MYOZ2: variants seen among roughly 807,000 people sequenced by gnomAD.
The protein encoded by MYOZ2 is myozenin-2.
MYOZ2 carries 19 observed loss-of-function variants against 25.4 expected under a neutral mutation model. The observed-to-expected ratio is 0.75, with a 90% CI of 0.52 to 1.10. The LOEUF (loss-of-function observed/expected upper bound fraction) is 1.10, where lower values mean the gene tolerates loss of function less well. Ranked by LOEUF, MYOZ2 falls within the 50% of genes least tolerant of loss-of-function variation. MYOZ2 has a pLI of 0.00. For missense variants in MYOZ2, 270 were observed against 317.9 expected (o/e 0.85, Z 1.15); for synonymous variants, 92 against 106.9 (o/e 0.86, Z 0.86).
At chr4:119,176,100 G>A (rs1254629981) in intron 5 of MYOZ2, among the ~76,000 whole-genome samples, 4 of 152,116 alleles carry the variant, frequency 2.6e-5, no homozygotes, top group Non-Finnish European at 5.9e-5. Context: ...CACCGTCTTT[G>A]AGTTCATTGA....
chr4:119,142,004 C>A (rs1197144947), intron 2 of MYOZ2, among the ~76,000 whole-genome samples: 1 of 149,776 alleles, frequency 6.7e-6, no homozygotes, highest in African/African-American at 2.6e-5. Context: ...GGGAAGAAAA[C>A]CTTGGAAAAT....
intron 2 of MYOZ2, among the ~76,000 whole-genome samples, chr4:119,139,334 C>A (rs973195249): frequency 1.3e-5 from 2 of 152,152 alleles, no homozygotes; most frequent in African/African-American, 4.8e-5. Flanking sequence ...AAAAGTATCT[C>A]AGCCACAGTT....
At chr4:119,154,392 T>C (rs1005761340) in intron 3 of MYOZ2, among the ~76,000 whole-genome samples, 2 of 152,192 alleles carry the variant, frequency 1.3e-5, no homozygotes, top group Non-Finnish European at 2.9e-5. Context: ...GATGGAATGC[T>C]ATGATGTAAA....
chr4:119,165,194 A>G (rs1008502519), intron 5 of MYOZ2, among the ~76,000 whole-genome samples: 1 of 151,618 alleles, frequency 6.6e-6, no homozygotes, highest in African/African-American at 2.4e-5. Context: ...AAGAATGCCA[A>G]ATAGACTGCA....
intron 5 of MYOZ2, among the ~76,000 whole-genome samples, chr4:119,172,610 G>C (rs1561127694): frequency 6.6e-6 from 1 of 152,282 alleles, no homozygotes; most frequent in East Asian, 1.9e-4. Context: ...GGAAAAATTT[G>C]GGGAGGTTCA....
intron 5 of MYOZ2, among the ~76,000 whole-genome samples, chr4:119,182,137 GA>G (rs555773160): frequency 1.3e-3 from 197 of 152,276 alleles, no homozygotes; most frequent in African/African-American, 4.5e-3. Context: ...AAAAGCAACA[GA>G]AAACATTTCT....
chr4:119,171,698 A>G (rs543047884), intron 5 of MYOZ2, among the ~76,000 whole-genome samples: 1 of 149,846 alleles, frequency 6.7e-6, no homozygotes, highest in East Asian at 1.9e-4. Flanking sequence ...ACTATTATAC[A>G]TATATATTTT....
chr4:119,160,739 C>T (rs1478411771), intron 4 of MYOZ2, among the ~76,000 whole-genome samples: 2 of 151,968 alleles, frequency 1.3e-5, no homozygotes, highest in African/African-American at 2.4e-5. Context: ...GTACCTCCAA[C>T]GCAACTGTTA....
intron 2 of MYOZ2, among the ~76,000 whole-genome samples, chr4:119,141,739 G>A (rs1741162617): frequency 6.6e-6 from 1 of 151,682 alleles, no homozygotes; most frequent in Admixed American, 6.6e-5. Flanking sequence ...ATGAAGGCAA[G>A]GATATGTATT....
chr4:119,167,164 G>T (rs1306736235), intron 5 of MYOZ2, among the ~76,000 whole-genome samples: 1 of 152,190 alleles, frequency 6.6e-6, no homozygotes, highest in Non-Finnish European at 1.5e-5. Flanking sequence ...AGGTGTGAAT[G>T]CAAAGGAAAA....
intron 5 of MYOZ2, among the ~76,000 whole-genome samples, chr4:119,167,684 A>G (rs1347265908): frequency 6.6e-6 from 1 of 152,240 alleles, no homozygotes; most frequent in Non-Finnish European, 1.5e-5. Flanking sequence ...CTCACTAGAA[A>G]CTAATGTAGC....
At chr4:119,164,773 G>T (rs946849866) in intron 5 of MYOZ2, among the ~76,000 whole-genome samples, 1 of 151,974 alleles carries the variant, frequency 6.6e-6, no homozygotes, top group Non-Finnish European at 1.5e-5. Flanking sequence ...CACATGCAAG[G>T]CTATGAGAAT....
chr4:119,169,767 CTAAAGGGCTA>C (rs1741910708), intron 5 of MYOZ2, among the ~76,000 whole-genome samples: 1 of 152,152 alleles, frequency 6.6e-6, no homozygotes, highest in Non-Finnish European at 1.5e-5. Context: ...GCTGGAAGCC[CTAAAGGGCTA>C]TACCATTGGA....
rs1472682206 is a variant in MYOZ2, at chr4:119,187,131, A to T, written c.*931A>T. 2 of 152,222 alleles carry T rather than the reference A, an allele frequency of 1.3e-5. No individual in the cohort carries two copies. The highest frequency in any genetic ancestry group is 2.9e-5 in the Non-Finnish European group (2 of 68,022). The allele number at this position is 152,222 out of a possible 1,614,324, so 9.4% of individuals were successfully genotyped here. On this transcript the variant is annotated 3_prime_UTR_variant, in exon 6 of 6. Transcript: ENST00000307128. ...GGGGAGTACATGCTTTAGGACACAA[A>T]CAAAAACAAAGGGCATGAAAGTATC...
intron 5 of MYOZ2, among the ~76,000 whole-genome samples, chr4:119,168,248 G>A (rs1741868995): frequency 6.6e-6 from 1 of 152,144 alleles, no homozygotes. Context: ...CTGGGATTAT[G>A]GGCGTGAGCC....
chr4:119,178,430 CAT>C (rs1742122227), intron 5 of MYOZ2, among the ~76,000 whole-genome samples: 1 of 152,174 alleles, frequency 6.6e-6, no homozygotes, highest in Non-Finnish European at 1.5e-5. Context: ...CAAAAATTAA[CAT>C]GTCAAATGAA....
intron 5 of MYOZ2, among the ~76,000 whole-genome samples, chr4:119,181,702 G>T (rs894768022): frequency 2.0e-5 from 3 of 152,136 alleles, no homozygotes; most frequent in Non-Finnish European, 2.9e-5. Context: ...GTGGAATTTG[G>T]AGGCTATCTT....
intron 2 of MYOZ2, among the ~76,000 whole-genome samples, chr4:119,137,105 A>AT (rs1279898954): frequency 1.3e-5 from 2 of 152,034 alleles, no homozygotes; most frequent in Non-Finnish European, 2.9e-5. Context: ...AACCCTTCAT[A>AT]TTTGTTAATT....
At chr4:119,180,713 C>A (rs1160850036) in intron 5 of MYOZ2, among the ~76,000 whole-genome samples, 1 of 152,080 alleles carries the variant, frequency 6.6e-6, no homozygotes, top group Non-Finnish European at 1.5e-5. Flanking sequence ...GTCTCCACAC[C>A]CAGCTAATTT....
Sources: gnomAD v4.1 joint callset for allele counts (sites outside exome capture counted in the v4.1 genomes callset) on GRCh38, gnomAD v4.1.1 for gene constraint, MANE v1.5 for transcripts, NCBI Gene and HGNC (gene_info 2026-07-23, HGNC 2026-07-21) for gene names.